Variants in CUBN observed in about 807,000 individuals in gnomAD.
CUBN encodes cubilin, also known as 460 kDa receptor.
In CUBN, 282 loss-of-function variants were observed where a neutral mutation model predicts 405.3. The observed-to-expected ratio is 0.70, with a 90% CI of 0.63 to 0.77. CUBN has a LOEUF of 0.77. Ranked by LOEUF, CUBN falls within the 30% of genes least tolerant of loss-of-function variation. The pLI is 0.00. For missense variants in CUBN, 4,514 were observed against 4,475.2 expected, an observed-to-expected ratio of 1.01 and a Z score of -0.25; for synonymous variants, 1,684 against 1,617.0, an observed-to-expected ratio of 1.04 and a Z score of -0.99.
chr10:17,088,419 GC>G, intron 14 of CUBN, 74 bp from the exon 15 acceptor site: 2 of 1,263,166 alleles, frequency 1.6e-6, no homozygotes, highest in Non-Finnish European at 2.3e-6. Context: ...AGAGCCCTTG[GC>G]GTAAGAAGCC....
chr10:17,108,968 G>A (rs1298736243), intron 10 of CUBN, among the ~76,000 whole-genome samples: 1 of 152,030 alleles, frequency 6.6e-6, no homozygotes, highest in African/African-American at 2.4e-5. Context: ...TAATCAAAAA[G>A]TATAAATGAA....
rs944868229 is a variant in CUBN, at chr10:16,824,530, T to G, written c.*445A>C. 6.1e-6 allele frequency: 1 copy of G among 164,328 alleles called. No homozygotes were observed. The highest frequency in any genetic ancestry group is 2.4e-5 in the African/African-American group (1 of 41,290). The allele number at this position is 164,328 out of a possible 1,614,324, so 10.2% of individuals were successfully genotyped here. A position where few individuals can be genotyped will look rare whatever the true frequency, so the allele number is the denominator to read the frequency against. On this transcript the variant is annotated 3_prime_UTR_variant, in exon 67 of 67. Coordinates refer to ENST00000377833, the MANE Select transcript of CUBN (RefSeq NM_001081.4). ...ATTGATTCTGGTTTTTTTTGTTTCT[T>G]TTTTTTTTGAGATGGAGTCTTGCCG...
Position 16,851,189 on chromosome 10 carries a change from G to A in CUBN, c.9663+46C>T, listed in dbSNP as rs992378541. On this transcript the variant is annotated intron_variant, in intron 60 of 66. Coordinates refer to ENST00000377833, the MANE Select transcript of CUBN (RefSeq NM_001081.4). Reference sequence around the variant, plus strand: ...ATATAAACTGGAATACACTATATTAGAGTCTGGGATGAATAGACTCTGTTA... The same window carrying A: ...ATATAAACTGGAATACACTATATTAAAGTCTGGGATGAATAGACTCTGTTA... 6.2e-6 allele frequency: 9 copies of A among 1,441,934 alleles called. No homozygotes were observed. The African/African-American group carries it at 1.3e-4, about 20-fold the overall frequency. The allele number at this position is 1,441,934 out of a possible 1,614,324, so 89.3% of individuals were successfully genotyped here. A position where few individuals can be genotyped will look rare whatever the true frequency, so the allele number is the denominator to read the frequency against.
At chr10:17,055,585 T>C (rs956145485) in intron 22 of CUBN, among the ~76,000 whole-genome samples, 13 of 152,094 alleles carry the variant, frequency 8.5e-5, no homozygotes, top group Admixed American at 1.3e-4. Context: ...ATACAAGATA[T>C]GTATACAAAA....
At chr10:17,029,752 G>T (rs1254713481) in intron 27 of CUBN, among the ~76,000 whole-genome samples, 1 of 152,098 alleles carries the variant, frequency 6.6e-6, no homozygotes, top group Non-Finnish European at 1.5e-5. Context: ...ATCAAAGTCG[G>T]CTCAGATCCA....
chr10:16,985,098 C>T (rs1833379562), intron 29 of CUBN, among the ~76,000 whole-genome samples: 1 of 152,246 alleles, frequency 6.6e-6, no homozygotes, highest in Non-Finnish European at 1.5e-5. Flanking sequence ...CTGGCAAAGG[C>T]CCCATCCCCA....
At chr10:17,124,995 C>G (rs1011403761) in intron 4 of CUBN, among the ~76,000 whole-genome samples, 1 of 151,940 alleles carries the variant, frequency 6.6e-6, no homozygotes, top group African/African-American at 2.4e-5. Context: ...CTACGCCTGG[C>G]TAATTTTCCT....
chr10:17,054,065 G>C (rs990940619), intron 22 of CUBN, among the ~76,000 whole-genome samples: 1 of 151,994 alleles, frequency 6.6e-6, no homozygotes, highest in Admixed American at 6.6e-5. Context: ...GGGCGCAGTG[G>C]CTCACTCCTG....
At chr10:16,910,897 C>T (rs1008455142) in intron 48 of CUBN, among the ~76,000 whole-genome samples, 1 of 151,908 alleles carries the variant, frequency 6.6e-6, no homozygotes, top group African/African-American at 2.4e-5. Flanking sequence ...CTTGGGGAGC[C>T]GCAAGAGGGT....
At chr10:16,937,932 C>A in intron 38 of CUBN, 148 bp from the exon 39 acceptor site, 1 of 693,028 alleles carries the variant, frequency 1.4e-6, no homozygotes, top group Non-Finnish European at 2.4e-6. Context: ...GCTTAAAACA[C>A]ATACTGCCAG....
intron 27 of CUBN, among the ~76,000 whole-genome samples, chr10:17,040,097 G>A (rs1171102230): frequency 6.6e-6 from 1 of 152,126 alleles, no homozygotes; most frequent in Non-Finnish European, 1.5e-5. Context: ...CCCCAGAGTT[G>A]CCAGCAATGG....
At chr10:17,023,595 A>G (rs1352618933) in intron 27 of CUBN, 1 of 455,972 alleles carries the variant, frequency 2.2e-6, no homozygotes. Flanking sequence ...TTCTGTTTTC[A>G]GAGCAGAATG....
At chr10:16,943,955 G>A (rs1842719258) in intron 36 of CUBN, among the ~76,000 whole-genome samples, 1 of 152,210 alleles carries the variant, frequency 6.6e-6, no homozygotes, top group Non-Finnish European at 1.5e-5. Context: ...ATGCTTGGAA[G>A]TCTTTGCTTT....
intron 66 of CUBN, among the ~76,000 whole-genome samples, chr10:16,825,798 C>T (rs1175930795): frequency 3.9e-5 from 6 of 151,990 alleles, no homozygotes; most frequent in Non-Finnish European, 8.8e-5. Context: ...AGGCAAAAAG[C>T]CCTGCTCTCA....
intron 59 of CUBN, among the ~76,000 whole-genome samples, chr10:16,858,153 A>G (rs150639839): frequency 3.4e-4 from 52 of 152,318 alleles, no homozygotes; most frequent in Non-Finnish European, 6.5e-4. Flanking sequence ...AATAAATAAA[A>G]GAAGGCCTAA....
chr10:17,042,811 T>G (rs1835046770), intron 26 of CUBN, among the ~76,000 whole-genome samples: 1 of 152,186 alleles, frequency 6.6e-6, no homozygotes. Flanking sequence ...GTTATTACTC[T>G]TTCAGTTAAT....
chr10:16,848,839 C>G (rs1344958588), intron 60 of CUBN, among the ~76,000 whole-genome samples: 5 of 151,782 alleles, frequency 3.3e-5, no homozygotes, highest in Non-Finnish European at 7.4e-5. Flanking sequence ...GAAGCTGGTA[C>G]CGTAGGTGCA....
Position 16,928,144 on chromosome 10 carries a change from T to C in CUBN, c.6271+13A>G. ...GAGATAACATGGGATTAAAAAATAT[T>C]TGAACTCATTACTCTTGTGAAAGGA... is the stretch of plus-strand genomic sequence containing the variant. On this transcript the variant is annotated intron_variant, in intron 41 of 66. Coordinates refer to ENST00000377833, the MANE Select transcript of CUBN (RefSeq NM_001081.4). 1 of 1,612,544 alleles carries C rather than the reference T, an allele frequency of 6.2e-7. No homozygotes were observed. The highest frequency in any genetic ancestry group is 1.1e-5 in the South Asian group (1 of 91,042).
At chr10:17,017,033 A>G (rs1197820547) in intron 28 of CUBN, among the ~76,000 whole-genome samples, 1 of 152,142 alleles carries the variant, frequency 6.6e-6, no homozygotes, top group Non-Finnish European at 1.5e-5. Context: ...GAAAAAAATG[A>G]GCCACCTCTT....
Sources: allele counts gnomAD v4.1 joint callset (sites outside exome capture counted in the v4.1 genomes callset), GRCh38; gene constraint gnomAD v4.1.1; transcripts MANE v1.5; gene names NCBI Gene and HGNC (gene_info 2026-07-23, HGNC 2026-07-21).